DLC1: variants seen among roughly 807,000 people sequenced by gnomAD.
The protein encoded by DLC1 is rho GTPase-activating protein 7.
Under a neutral mutation model 140.3 loss-of-function variants are expected in DLC1, and 54 were observed. That is an observed-to-expected ratio of 0.38 (90% CI 0.31 to 0.48). DLC1 has a LOEUF of 0.48. Among genes scored for constraint, DLC1 ranks in the 20% least tolerant of loss-of-function variants. The probability of loss-of-function intolerance (pLI) is 0.96; values close to 1 mark genes in which losing one functional copy is unlikely to be tolerated. For synonymous variants in DLC1, 986 were observed against 728.1 expected (o/e 1.35, Z -5.70); for missense variants, 2,536 against 1,907.0 (o/e 1.33, Z -6.14).
At chr8:13,460,399 C>CA (rs998697583) in intron 2 of DLC1, among the ~76,000 whole-genome samples, 2 of 152,222 alleles carry the variant, frequency 1.3e-5, no homozygotes, top group African/African-American at 4.8e-5. Flanking sequence ...AAGCTCACTG[C>CA]ACGTGTTCTG....
At chr8:13,300,316 A>G (rs936368901) in intron 5 of DLC1, among the ~76,000 whole-genome samples, 4 of 152,172 alleles carry the variant, frequency 2.6e-5, no homozygotes, top group Admixed American at 2.6e-4. Flanking sequence ...TAGAGAAAAG[A>G]GATAATGGAT....
chr8:13,554,188 T>C (rs1304854553), intron 1 of DLC1, among the ~76,000 whole-genome samples: 4 of 152,236 alleles, frequency 2.6e-5, no homozygotes, highest in Admixed American at 2.6e-4. Context: ...TGCCTCAGCC[T>C]CCCGAGTAGC....
At chr8:13,208,545 G>C (rs1357149266) in intron 5 of DLC1, among the ~76,000 whole-genome samples, 2 of 152,092 alleles carry the variant, frequency 1.3e-5, no homozygotes, top group Non-Finnish European at 2.9e-5. Context: ...TTTCTTTGGT[G>C]CAGGGTTTTT....
rs547864173 is a variant in DLC1, at chr8:13,300,213, A to G, written c.1348+5056T>C. Among the ~76,000 whole-genome samples the G allele has an allele frequency of 9.2e-5, 14 of 152,304 alleles. 1 individual carries two copies. Among genetic ancestry groups the G allele is most frequent in the Middle Eastern group, 3.4e-3 (1 of 294 alleles). On this transcript the variant is annotated intron_variant, in intron 5 of 17. Coordinates refer to ENST00000276297, the MANE Select transcript of DLC1 (RefSeq NM_182643.3). Reference sequence around the variant, plus strand: ...AACCAAACCCCTCATATTCTCACTTATAAGTAGGAGCTGAACAATGAGAAC... The same window carrying G: ...AACCAAACCCCTCATATTCTCACTTGTAAGTAGGAGCTGAACAATGAGAAC...
intron 2 of DLC1, among the ~76,000 whole-genome samples, chr8:13,446,386 T>G (rs999946777): frequency 6.6e-6 from 1 of 152,218 alleles, no homozygotes; most frequent in Non-Finnish European, 1.5e-5. Context: ...ACAACACTCA[T>G]TTCTTGTTTT....
In DLC1 at chr8:13,094,885, C is replaced by A. The variant is rs778292244; in HGVS notation, c.3400G>T (p.Asp1134Tyr). ...ALRQMNEGAI[D>Y]CVNYEGQSAY... is the part of the protein sequence containing the mutation. ...GACTGTCCTTCGTAGTTGACACAGT[C>A]TATGGCACCTTCATTCATCTGGCGC... The change falls in exon 12 of 18, where the codon GAC (aspartate) becomes TAC (tyrosine). Residue 1134 changes from aspartate (D) to tyrosine (Y), a missense_variant. Asp to Tyr is a radical substitution (Grantham distance 160). Transcript: ENST00000276297. 4.3e-6 allele frequency: 7 copies of A among 1,614,112 alleles called. No individual in the cohort carries two copies. The highest frequency in any genetic ancestry group is 5.1e-6 in the Non-Finnish European group (6 of 1,180,050).
intron 4 of DLC1, among the ~76,000 whole-genome samples, chr8:13,325,726 G>C (rs1317919105): frequency 2.0e-5 from 3 of 152,204 alleles, no homozygotes; most frequent in Non-Finnish European, 2.9e-5. Flanking sequence ...GTTCAGGAGA[G>C]AATATTCTCT....
At chr8:13,401,387 G>A (rs1289668197) in intron 3 of DLC1, 83 bp downstream of exon 3, 1 of 1,522,312 alleles carries the variant, frequency 6.6e-7, no homozygotes, top group Non-Finnish European at 8.9e-7. Flanking sequence ...CCATTAACAA[G>A]GATGTTGCCT....
rs561737634 is a variant in DLC1 at position 13,440,479 on chromosome 8, A to G, written c.1024-38860T>C. On this transcript the variant is annotated intron_variant, in intron 2 of 17. Transcript: ENST00000276297. The stretch of plus-strand genomic sequence containing the variant: ...ATGTGTCAATGAAATGTCTAGAAAG[A>G]GTGACATTGCTTTTATGTATTTAAA... 3.9e-5 allele frequency among the ~76,000 whole-genome samples: 6 copies of G among 152,284 alleles called. No homozygotes were observed. In the South Asian group the frequency reaches 1.2e-3, roughly 32 times the overall value.
intron 3 of DLC1, among the ~76,000 whole-genome samples, chr8:13,400,673 A>T (rs999113003): frequency 5.3e-5 from 8 of 152,166 alleles, no homozygotes; most frequent in Non-Finnish European, 1.0e-4. Context: ...TACTGCTTTG[A>T]TCTCAGGTAA....
chr8:13,559,494 A>G (rs1804169448), intron 1 of DLC1: 1 of 152,206 alleles, frequency 6.6e-6, no homozygotes, highest in Non-Finnish European at 1.5e-5. Context: ...GAACACTTTA[A>G]TAACATAGTT....
chr8:13,277,684 T>A (rs1376105693), intron 5 of DLC1, among the ~76,000 whole-genome samples: 1 of 152,234 alleles, frequency 6.6e-6, no homozygotes, highest in African/African-American at 2.4e-5. Flanking sequence ...AAATGCATTA[T>A]TAATCCTCTT....
At chr8:13,168,358 A>T (rs1825237449) in intron 5 of DLC1, among the ~76,000 whole-genome samples, 1 of 152,180 alleles carries the variant, frequency 6.6e-6, no homozygotes, top group South Asian at 2.1e-4. Flanking sequence ...CTGTATCTAG[A>T]TCTCGTTCCA....
At chr8:13,305,483 CTTCTAA>C (rs2117520765) in intron 4 of DLC1, among the ~76,000 whole-genome samples, 181 bp from the exon 5 acceptor site, 1 of 152,296 alleles carries the variant, frequency 6.6e-6, no homozygotes, top group South Asian at 2.1e-4. Flanking sequence ...TGTAAATCAT[CTTCTAA>C]TTCTTTTCTT....
In DLC1 at chr8:13,088,536, C is replaced by A. The variant is rs758770323; in HGVS notation, c.4243G>T (p.Val1415Phe). 1.2e-6 allele frequency: 2 copies of A among 1,614,224 alleles called. No homozygotes were observed. Among genetic ancestry groups the A allele is most frequent in the South Asian group, 2.2e-5 (2 of 91,080 alleles). ...GGATGAGGTGCCATACTGTTTTGGACATACTGGTAAATTTCAGTTTGGCTG... is the reference window on the plus strand; with the variant it reads ...GGATGAGGTGCCATACTGTTTTGGAAATACTGGTAAATTTCAGTTTGGCTG... The part of the protein sequence containing the change: ...LDSQTEIYQY[V>F]QNSMAPHPAR... Residue 1415 changes from valine to phenylalanine, a missense_variant, in exon 16 of 18, where the codon GTC becomes TTC. Val to Phe is a conservative substitution (Grantham distance 50). Coordinates refer to ENST00000276297, the MANE Select transcript of DLC1 (RefSeq NM_182643.3).
intron 2 of DLC1, among the ~76,000 whole-genome samples, chr8:13,445,054 A>AAGC (rs977669490): frequency 3.9e-5 from 6 of 151,980 alleles, no homozygotes; most frequent in Non-Finnish European, 5.9e-5. Flanking sequence ...GGAGAGAGGG[A>AAGC]AGCAGAGAGA....
intron 5 of DLC1, among the ~76,000 whole-genome samples, chr8:13,261,613 C>G (rs537840857): frequency 6.6e-6 from 1 of 151,964 alleles, no homozygotes; most frequent in Non-Finnish European, 1.5e-5. Flanking sequence ...GCGAGGCAAC[C>G]GTGTCTTGGC....
chr8:13,479,291 T>TG (rs1354443819), intron 2 of DLC1, among the ~76,000 whole-genome samples: 2 of 152,184 alleles, frequency 1.3e-5, no homozygotes, highest in African/African-American at 4.8e-5. Context: ...AATAATAAAA[T>TG]GGATATATCT....
chr8:13,301,518 C>T (rs1314474389), intron 5 of DLC1, among the ~76,000 whole-genome samples: 1 of 152,170 alleles, frequency 6.6e-6, no homozygotes, highest in African/African-American at 2.4e-5. Flanking sequence ...TGCCTTACAT[C>T]AACAACATGG....
Sources: gnomAD v4.1 joint callset for allele counts (sites outside exome capture counted in the v4.1 genomes callset) on GRCh38, gnomAD v4.1.1 for gene constraint, MANE v1.5 for transcripts, NCBI Gene and HGNC (gene_info 2026-07-23, HGNC 2026-07-21) for gene names.